Variants in RBBP8NL observed in about 807,000 individuals in gnomAD.
The protein encoded by RBBP8NL is RBBP8 N-terminal like.
A neutral mutation model predicts 62.2 loss-of-function variants in RBBP8NL; 59 were observed. The observed-to-expected ratio is 0.95, with a 90% CI of 0.77 to 1.18. RBBP8NL has a LOEUF of 1.18. Among genes scored for constraint, RBBP8NL ranks in the 50% most tolerant of loss-of-function variants. RBBP8NL has a pLI of 0.00. For synonymous variants in RBBP8NL, 412 were observed against 394.1 expected (o/e 1.05, Z -0.54); for missense variants, 896 against 899.5 (o/e 1.00, Z 0.05).
Position 62,414,472 on chromosome 20 carries a change from GT to G in RBBP8NL, c.878del (p.Asn293ThrfsTer30). The part of the protein sequence containing the change: ...SPKVDRLCLL[N>X]RPLSLHLQSP... Reference sequence around the variant, plus strand: ...TCTGAAGGTGCAGGGACAGGGGGCGGTTTAGGAGGCAGAGCCGGTCCACCTT... The same window carrying G: ...TCTGAAGGTGCAGGGACAGGGGGCGGTTAGGAGGCAGAGCCGGTCCACCTT... On this transcript the variant is annotated frameshift_variant, in exon 10 of 14. Transcript: ENST00000252998. LOFTEE classifies it high-confidence loss of function. 6.8e-7 allele frequency: 1 copy of G among 1,479,220 alleles called. No individual in the cohort carries two copies. The highest frequency in any genetic ancestry group is 9.0e-7 in the Non-Finnish European group (1 of 1,111,914). 91.6% of individuals were successfully genotyped at this position (1,479,220 alleles called of 1,614,324 possible).
intron 1 of RBBP8NL, among the ~76,000 whole-genome samples, chr20:62,424,878 G>C (rs922488507): frequency 1.3e-5 from 2 of 152,136 alleles, no homozygotes; most frequent in African/African-American, 4.8e-5. Context: ...CAGCAGAGAG[G>C]GTGCACCCCC....
chr20:62,415,887 G>A lies in RBBP8NL; in HGVS notation c.445C>T (p.Leu149Phe), dbSNP rs1168345786. The change falls in exon 7 of 14, where the codon CTC becomes TTC. Residue 149 changes from leucine (L) to phenylalanine (F), a missense_variant. By Grantham distance (22) the Leu-to-Phe change is conservative (BLOSUM62 0). Coordinates refer to ENST00000252998, the MANE Select transcript of RBBP8NL (RefSeq NM_080833.3). ...GTSDPPSPLL[L>F]PSPGGWKAIT... ...GCCTTCCAGCCACCAGGGGAGGGGA[G>A]CAGCAGGGGTGAGGGGGGGTCCGAG... 2.5e-6 allele frequency: 4 copies of A among 1,605,146 alleles called. No homozygotes were observed. Among genetic ancestry groups the A allele is most frequent in the East Asian group, 2.3e-5 (1 of 44,324 alleles).
rs1988479313 is a variant in RBBP8NL at position 62,413,386 on chromosome 20, A to G, written c.1675+15T>C. 2 of 1,416,250 alleles carry G rather than the reference A, an allele frequency of 1.4e-6. No homozygotes were observed. The highest frequency in any genetic ancestry group is 1.8e-5 in the South Asian group (1 of 56,732). 87.7% of individuals were successfully genotyped at this position (1,416,250 alleles called of 1,614,324 possible). On this transcript the variant is annotated intron_variant, in intron 11 of 13. Coordinates refer to ENST00000252998, the MANE Select transcript of RBBP8NL (RefSeq NM_080833.3). ...CACCTCCCAGCTGGACTCTGACCCC[A>G]GGTGCTGACTGTACCTGGGTGGCCG...
At chr20:62,423,648 T>C (rs538549249) in intron 1 of RBBP8NL, among the ~76,000 whole-genome samples, 1 of 152,074 alleles carries the variant, frequency 6.6e-6, no homozygotes, top group Non-Finnish European at 1.5e-5. Flanking sequence ...ACACGAGAGG[T>C]GGGCTTCCTT....
chr20:62,411,989 TGGACCCCAGCTG>T (rs1467487095), intron 13 of RBBP8NL, among the ~76,000 whole-genome samples: 2 of 152,374 alleles, frequency 1.3e-5, no homozygotes, highest in African/African-American at 4.8e-5. Flanking sequence ...CATGGGCTCC[TGGACCCCAGCTG>T]GAGCTGCCAT....
At chr20:62,417,201 G>C (rs776606564) in intron 4 of RBBP8NL, 23 bp downstream of exon 4, 2 of 1,560,332 alleles carry the variant, frequency 1.3e-6, no homozygotes, top group Non-Finnish European at 1.7e-6. Flanking sequence ...TGGCCATGCT[G>C]CGAGGTGTCC....
chr20:62,420,638 C>A (rs1988678847), intron 1 of RBBP8NL, among the ~76,000 whole-genome samples: 1 of 152,200 alleles, frequency 6.6e-6, no homozygotes, highest in Non-Finnish European at 1.5e-5. Flanking sequence ...CAAAGCTGTG[C>A]AGACATAGAG....
intron 1 of RBBP8NL, among the ~76,000 whole-genome samples, chr20:62,426,017 C>T (rs372112979): frequency 2.8e-4 from 16 of 56,750 alleles, no homozygotes; most frequent in African/African-American, 7.3e-4. Flanking sequence ...GCAGTGGCAG[C>T]GGCAGTGGCA....
At chr20:62,416,290 G>T in intron 5 of RBBP8NL, 54 bp from the exon 6 acceptor site, 1 of 1,137,800 alleles carries the variant, frequency 8.8e-7, no homozygotes, top group South Asian at 1.3e-5. Flanking sequence ...GACAGGGGCA[G>T]GGGTGGGGTC....
rs112564115 is a variant in RBBP8NL, at chr20:62,413,146, G to A, written c.1676-246C>T. Among the ~76,000 whole-genome samples, 2,260 of 152,390 alleles carry A rather than the reference G, an allele frequency of 0.015. 48 individuals carry two copies. Among genetic ancestry groups the A allele is most frequent in the African/African-American group, 0.045 (1,872 of 41,598 alleles). Reference sequence around the variant, plus strand: ...CTGCATGATGGGGCACTCACAGCCTGCTTGCCAGCCCTAATTGCTAAGGTG... The same window carrying A: ...CTGCATGATGGGGCACTCACAGCCTACTTGCCAGCCCTAATTGCTAAGGTG... On this transcript the variant is annotated intron_variant, in intron 11 of 13. Transcript: ENST00000252998.
At chr20:62,419,186 G>A (rs1321768043) in intron 2 of RBBP8NL, among the ~76,000 whole-genome samples, 2 of 152,188 alleles carry the variant, frequency 1.3e-5, no homozygotes, top group African/African-American at 2.4e-5. Context: ...CTGCCCTGGT[G>A]AGCTCAGCAG....
intron 1 of RBBP8NL, among the ~76,000 whole-genome samples, chr20:62,424,380 C>T (rs931440601): frequency 6.6e-6 from 1 of 152,170 alleles, no homozygotes; most frequent in African/African-American, 2.4e-5. Context: ...CTCCATTTTG[C>T]CACTGAGAAC....
In RBBP8NL at chr20:62,425,740, C is replaced by T. The variant is rs370960687; in HGVS notation, c.-84+1720G>A. ...GCCGGCTGCTCTCCACCCCAGCCACCGACCCCCAGCAGGCTCTTTGGGGCA... is the reference window on the plus strand; with the variant it reads ...GCCGGCTGCTCTCCACCCCAGCCACTGACCCCCAGCAGGCTCTTTGGGGCA... On this transcript the variant is annotated intron_variant, in intron 1 of 13. Transcript: ENST00000252998. Among the ~76,000 whole-genome samples, 3 of 152,380 alleles carry T rather than the reference C, an allele frequency of 2.0e-5. No homozygotes were observed. The East Asian group carries it at 5.8e-4, about 29-fold the overall frequency.
intron 3 of RBBP8NL, among the ~76,000 whole-genome samples, chr20:62,417,908 C>T (rs111308242): frequency 1.6e-5 from 1 of 62,224 alleles, no homozygotes; most frequent in Non-Finnish European, 3.0e-5. Context: ...TCCTCTGTGA[C>T]GTCTGTCCTG....
At position 62,425,955 on chromosome 20, in the gene RBBP8NL, GAGTGGCATAGCAGTGGC is replaced by G. The variant is rs775572701; in HGVS notation, c.-84+1488_-84+1504del. ...ACAGTAGCAGTAGCAGTGGCAGTGG[GAGTGGCATAGCAGTGGC>G]AGTGGCAGTAGCAGTGGCAGTGGGA... On this transcript the variant is annotated intron_variant, in intron 1 of 13. Transcript: ENST00000252998. 8.3e-3 allele frequency among the ~76,000 whole-genome samples: 1,256 copies of G among 151,738 alleles called. 8 individuals carry two copies. Among genetic ancestry groups the G allele is most frequent in the Non-Finnish European group, 0.013 (882 of 67,890 alleles).
intron 1 of RBBP8NL, among the ~76,000 whole-genome samples, chr20:62,423,609 T>A (rs1988751683): frequency 6.6e-6 from 1 of 152,108 alleles, no homozygotes; most frequent in African/African-American, 2.4e-5. Flanking sequence ...CCATGGTGCC[T>A]GCGGGCCTGG....
Position 62,417,285 on chromosome 20 carries a change from TC to T in RBBP8NL, c.138del (p.Asn47ThrfsTer11). 6.2e-7 allele frequency: 1 copy of T among 1,605,398 alleles called. No individual in the cohort carries two copies. The highest frequency in any genetic ancestry group is 8.5e-7 in the Non-Finnish European group (1 of 1,176,166). On this transcript the variant is annotated frameshift_variant, in exon 4 of 14. Coordinates refer to ENST00000252998, the MANE Select transcript of RBBP8NL (RefSeq NM_080833.3). LOFTEE classifies it high-confidence loss of function. ...DAQRIEELFS[K>X]NHQLREQQKT... Reference sequence around the variant, plus strand: ...TTCTGCTGTTCCCGGAGCTGGTGGTTCTTGGAGAAGAGCTCCTCGATCCTCT... The same window carrying T: ...TTCTGCTGTTCCCGGAGCTGGTGGTTTTGGAGAAGAGCTCCTCGATCCTCT...
intron 5 of RBBP8NL, 46 bp from the exon 6 acceptor site, chr20:62,416,282 CAGGGGCA>C: frequency 4.7e-6 from 1 of 214,800 alleles, no homozygotes; most frequent in Non-Finnish European, 9.2e-6. Flanking sequence ...TTGGGGGGGA[CAGGGGCA>C]GGGGTGGGGT....
intron 1 of RBBP8NL, among the ~76,000 whole-genome samples, chr20:62,421,755 C>T (rs2146444667): frequency 7.4e-6 from 1 of 134,534 alleles, no homozygotes; most frequent in South Asian, 2.4e-4. Context: ...GTGTGCATAC[C>T]CGAGCTAGTG....
Sources: gnomAD v4.1 joint callset for allele counts (sites outside exome capture counted in the v4.1 genomes callset) on GRCh38, gnomAD v4.1.1 for gene constraint, MANE v1.5 for transcripts, NCBI Gene and HGNC (gene_info 2026-07-23, HGNC 2026-07-21) for gene names.